Variants in ZBTB25 observed in about 807,000 individuals in gnomAD.
ZBTB25 encodes the protein zinc finger and BTB domain containing 25.
Under a neutral mutation model 34.2 loss-of-function variants are expected in ZBTB25, and 20 were observed. That is an observed-to-expected ratio of 0.58 (90% confidence interval 0.41 to 0.85). The LOEUF (loss-of-function observed/expected upper bound fraction) is 0.85, where lower values mean the gene tolerates loss of function less well. Among genes scored for constraint, ZBTB25 ranks in the 40% least tolerant of loss-of-function variants. The pLI is 0.00. For missense variants in ZBTB25, 437 were observed against 521.8 expected (o/e 0.84, Z 1.58); for synonymous variants, 175 against 186.4 (o/e 0.94, Z 0.50).
chr14:64,449,701 G>A, intron 2 of ZBTB25: 1 of 1,504,450 alleles, frequency 6.6e-7, no homozygotes, highest in Non-Finnish European at 9.1e-7. Flanking sequence ...ACTTCTATTA[G>A]AGCCCCATGC....
chr14:64,486,867 A>G lies in ZBTB25; in HGVS notation c.*56T>C. ...GAGGAAAATAATTTATGAATTAAAAATGCCACGCAAATTTTCTTTTTCAGA... is the reference window on the plus strand; with the variant it reads ...GAGGAAAATAATTTATGAATTAAAAGTGCCACGCAAATTTTCTTTTTCAGA... On this transcript the variant is annotated 3_prime_UTR_variant, in exon 3 of 3. Coordinates refer to ENST00000608382, the MANE Select transcript of ZBTB25 (RefSeq NM_006977.5). 1 of 1,514,308 alleles carries G rather than the reference A, an allele frequency of 6.6e-7. No individual in the cohort carries two copies. Among genetic ancestry groups the G allele is most frequent in the African/African-American group, 1.4e-5 (1 of 71,468 alleles). 93.8% of individuals were successfully genotyped at this position (1,514,308 alleles called of 1,614,324 possible).
At chr14:64,494,441 T>C (rs2079196848) in intron 1 of ZBTB25, among the ~76,000 whole-genome samples, 1 of 152,164 alleles carries the variant, frequency 6.6e-6, no homozygotes, top group Admixed American at 6.5e-5. Flanking sequence ...GAGACCAACC[T>C]GAACAACATG....
intron 2 of ZBTB25, among the ~76,000 whole-genome samples, chr14:64,464,640 T>G (rs2078591159): frequency 6.6e-6 from 1 of 152,218 alleles, no homozygotes; most frequent in African/African-American, 2.4e-5. Context: ...GTTCTTCATC[T>G]GGATGCTATG....
At chr14:64,494,625 T>C (rs1356217665) in intron 1 of ZBTB25, among the ~76,000 whole-genome samples, 1 of 150,964 alleles carries the variant, frequency 6.6e-6, no homozygotes, top group Non-Finnish European at 1.5e-5. Flanking sequence ...CGAGACTCTG[T>C]CTCAAAAAAA....
chr14:64,458,497 T>G, intron 2 of ZBTB25: 2 of 622,222 alleles, frequency 3.2e-6, no homozygotes. Flanking sequence ...TATTTATATT[T>G]CAACACATTT....
chr14:64,484,986 T>G lies in ZBTB25; in HGVS notation c.*1937A>C. 1 of 984,858 alleles carries G rather than the reference T, an allele frequency of 1.0e-6. No homozygotes were observed. Among genetic ancestry groups the G allele is most frequent in the Non-Finnish European group, 1.2e-6 (1 of 829,402 alleles). 61.0% of individuals were successfully genotyped at this position (984,858 alleles called of 1,614,324 possible). Reference sequence around the variant, plus strand: ...TTGTTTTAATTACTCCCAATACAATTGATCTTATCAAGTTAGATGTGCTCT... The same window carrying G: ...TTGTTTTAATTACTCCCAATACAATGGATCTTATCAAGTTAGATGTGCTCT... On this transcript the variant is annotated 3_prime_UTR_variant, in exon 3 of 3. Transcript: ENST00000608382.
At chr14:64,477,843 T>C (rs1050144219), downstream of ZBTB25, among the ~76,000 whole-genome samples, 1 of 152,304 alleles carries the variant, frequency 6.6e-6, no homozygotes, top group Non-Finnish European at 1.5e-5. Flanking sequence ...TGGATGCACA[T>C]AAATCTGACA....
chr14:64,454,752 T>C lies in ZBTB25; in HGVS notation c.174-5114A>G, dbSNP rs780440085. 6.2e-7 allele frequency: 1 copy of C among 1,614,024 alleles called. No homozygotes were observed. The highest frequency in any genetic ancestry group is 8.5e-7 in the Non-Finnish European group (1 of 1,179,864). On this transcript the variant is annotated intron_variant, in intron 2 of 2. Transcript: ENST00000555220. ...TTGGGAATCTCCCCATCTGCATGGC[T>C]AAAACACACTTGTCTTTGTCTCACA... is the stretch of plus-strand genomic sequence containing the variant.
In ZBTB25 at chr14:64,490,450, A is replaced by G; in HGVS notation, c.84T>C (p.Val28=). The G allele has an allele frequency of 1.9e-6, 3 of 1,613,972 alleles. No homozygotes were observed. Among genetic ancestry groups the G allele is most frequent in the Non-Finnish European group, 2.5e-6 (3 of 1,179,898 alleles). The change falls in exon 2 of 3, where the codon GTT becomes GTC. Residue 28 remains valine (V), a synonymous_variant. Transcript: ENST00000608382. ...CTTTGAAGTAAACATCTCCAATTGC[A>G]ACTGTGCAATCACACAGAAAACCAA... is the stretch of plus-strand genomic sequence containing the variant. The part of the protein sequence containing the change: ...REFGFLCDCT[V]AIGDVYFKAH...
Position 64,468,973 on chromosome 14 carries a change from G to C in ZBTB25, c.174-19335C>G, listed in dbSNP as rs1041312665. ...GCATCTCACGGAAAGATGGTGATGA[G>C]GTCTGTGAATCAAATGTGAGCAATA... On this transcript the variant is annotated intron_variant, in intron 2 of 2. Coordinates refer to the ZBTB25 transcript ENST00000555220. 9.9e-6 allele frequency: 16 copies of C among 1,614,052 alleles called. No individual in the cohort carries two copies. In the East Asian group the frequency reaches 3.6e-4, roughly 36 times the overall value.
chr14:64,499,810 T>C (rs921957254), intron 1 of ZBTB25, among the ~76,000 whole-genome samples: 6 of 152,202 alleles, frequency 3.9e-5, no homozygotes, highest in Non-Finnish European at 7.3e-5. Flanking sequence ...ATTCCAGACA[T>C]CTGCTTATTA....
At chr14:64,449,591 CCAG>C in exon 3 of ZBTB25, 1 of 1,614,126 alleles carries the variant, frequency 6.2e-7, no homozygotes, top group Non-Finnish European at 8.5e-7. Flanking sequence ...GCACAAGCAC[CCAG>C]CAGCTTCCAG....
chr14:64,500,475 A>AGAG (rs1555345816), intron 1 of ZBTB25, among the ~76,000 whole-genome samples: 2 of 70,598 alleles, frequency 2.8e-5, no homozygotes, highest in South Asian at 8.1e-4. Flanking sequence ...AAAAAAAAAA[A>AGAG]AGAGAGAGAG....
rs1439084877 is a variant in ZBTB25, at chr14:64,479,705, C to A, written c.*7218G>T. The A allele has an allele frequency of 6.6e-6, 1 of 152,196 alleles. No individual in the cohort carries two copies. The highest frequency in any genetic ancestry group is 2.4e-5 in the African/African-American group (1 of 41,440). 9.4% of individuals were successfully genotyped at this position (152,196 alleles called of 1,614,324 possible). On this transcript the variant is annotated 3_prime_UTR_variant, in exon 3 of 3. Transcript: ENST00000608382. ...TCCCTTTGGACCCAAATGGAAACAT[C>A]AGCTCTTCTTGAGTTTCAAGCCTGC...
At chr14:64,454,890 C>CAAGG in intron 2 of ZBTB25, 1 of 1,613,774 alleles carries the variant, frequency 6.2e-7, no homozygotes, top group Non-Finnish European at 8.5e-7. Flanking sequence ...GTGCATGCTG[C>CAAGG]AAGGGAGTAG....
intron 1 of ZBTB25, among the ~76,000 whole-genome samples, chr14:64,501,502 G>A (rs2079496092): frequency 6.6e-6 from 1 of 152,182 alleles, no homozygotes; most frequent in African/African-American, 2.4e-5. Flanking sequence ...TAAATACACA[G>A]AAAAGGGGCA....
chr14:64,487,758 C>T lies in ZBTB25; in HGVS notation c.473G>A (p.Arg158Lys). 6.2e-7 allele frequency: 1 copy of T among 1,614,184 alleles called. No homozygotes were observed. Among genetic ancestry groups the T allele is most frequent in the Non-Finnish European group, 8.5e-7 (1 of 1,180,042 alleles). ...GGGGTGGTCACCCTGGACAGCAGCTCTGTTTCCACTGTTACTGGAAGGAGC... is the reference window on the plus strand; with the variant it reads ...GGGGTGGTCACCCTGGACAGCAGCTTTGTTTCCACTGTTACTGGAAGGAGC... ...KEAPSSNSGNRAAVQGDHPQL... is the reference protein window; with the variant it reads ...KEAPSSNSGNKAAVQGDHPQL... Residue 158 changes from arginine to lysine, a missense_variant, in exon 3 of 3, where the codon AGA becomes AAA. Physicochemically the swap from Arg to Lys is conservative, Grantham distance 26. Transcript: ENST00000608382.
intron 2 of ZBTB25, among the ~76,000 whole-genome samples, chr14:64,463,627 CAA>C (rs199975542): frequency 1.1e-4 from 14 of 123,432 alleles, no homozygotes; most frequent in African/African-American, 1.2e-4. Flanking sequence ...GCCATCTCTA[CAA>C]AAAAAAAAAA....
At chr14:64,502,699 G>A (rs549206964) in intron 1 of ZBTB25, 12 of 985,476 alleles carry the variant, frequency 1.2e-5, no homozygotes, top group African/African-American at 5.2e-5. Flanking sequence ...AACTGGCACT[G>A]CGGTCCTGGC....
Sources: allele counts gnomAD v4.1 joint callset (sites outside exome capture counted in the v4.1 genomes callset), GRCh38; gene constraint gnomAD v4.1.1; transcripts MANE v1.5; gene names NCBI Gene and HGNC (gene_info 2026-07-23, HGNC 2026-07-21).